PTPRD: variants seen among roughly 807,000 people sequenced by gnomAD.
The protein encoded by PTPRD is protein tyrosine phosphatase receptor type D.
PTPRD carries 34 observed loss-of-function variants against 214.5 expected under a neutral mutation model. The observed-to-expected ratio is 0.16, with a 90% CI of 0.12 to 0.21. The LOEUF is 0.21. Among genes scored for constraint, PTPRD ranks in the 10% least tolerant of loss-of-function variants. PTPRD has a pLI of 1.00. For synonymous variants in PTPRD, 1,128 were observed against 845.7 expected (o/e 1.33, Z -5.79); for missense variants, 2,545 against 2,398.7 (o/e 1.06, Z -1.27).
chr9:9,596,233 T>C (rs1382065177), intron 7 of PTPRD, among the ~76,000 whole-genome samples: 1 of 152,014 alleles, frequency 6.6e-6, no homozygotes, highest in East Asian at 1.9e-4. Flanking sequence ...TAAAGACATC[T>C]TTAATGAATA....
chr9:9,237,307 G>C (rs1216090199), intron 9 of PTPRD, among the ~76,000 whole-genome samples: 4 of 152,102 alleles, frequency 2.6e-5, no homozygotes, highest in Admixed American at 6.6e-5. Flanking sequence ...GCACACACTT[G>C]TAATCCCAGT....
intron 5 of PTPRD, among the ~76,000 whole-genome samples, chr9:9,785,243 T>C (rs557951469): frequency 2.2e-4 from 33 of 152,116 alleles, no homozygotes; most frequent in Middle Eastern, 3.4e-3. Flanking sequence ...GTAGTAATTA[T>C]TGCAGGCAAG....
intron 21 of PTPRD, among the ~76,000 whole-genome samples, chr9:8,512,718 T>C (rs2097706200): frequency 2.0e-5 from 3 of 151,954 alleles, no homozygotes; most frequent in Admixed American, 2.0e-4. Flanking sequence ...TCCATATAAG[T>C]CAGATGATTT....
chr9:9,152,479 A>C (rs1295924444), intron 10 of PTPRD, among the ~76,000 whole-genome samples: 1 of 152,206 alleles, frequency 6.6e-6, no homozygotes, highest in African/African-American at 2.4e-5. Flanking sequence ...AGGTTAAAGC[A>C]GACTGTAGGA....
chr9:8,461,100 G>C (rs972994149), intron 32 of PTPRD, among the ~76,000 whole-genome samples: 1 of 152,026 alleles, frequency 6.6e-6, no homozygotes, highest in South Asian at 2.1e-4. Context: ...GCTTCTTAGT[G>C]CTTGGTACTA....
intron 9 of PTPRD, among the ~76,000 whole-genome samples, chr9:9,354,644 T>C (rs962033321): frequency 6.6e-6 from 1 of 151,682 alleles, no homozygotes; most frequent in Admixed American, 6.6e-5. Context: ...CTATAGCCAA[T>C]AAGTAAATTA....
At chr9:10,110,159 A>T (rs771167873) in intron 3 of PTPRD, among the ~76,000 whole-genome samples, 3 of 152,172 alleles carry the variant, frequency 2.0e-5, no homozygotes, top group Non-Finnish European at 4.4e-5. Context: ...TATTGACACA[A>T]AGTTGAAAAG....
intron 11 of PTPRD, among the ~76,000 whole-genome samples, chr9:8,799,846 A>G (rs570128319): frequency 6.6e-6 from 1 of 151,932 alleles, no homozygotes; most frequent in African/African-American, 2.4e-5. Context: ...CAACTCCCCC[A>G]CACACTTTTT....
intron 12 of PTPRD, among the ~76,000 whole-genome samples, chr9:8,657,866 T>C (rs559020214): frequency 2.6e-5 from 4 of 152,350 alleles, no homozygotes; most frequent in East Asian, 1.9e-4. Flanking sequence ...TCCATGATCA[T>C]AACAATTTAG....
intron 9 of PTPRD, among the ~76,000 whole-genome samples, chr9:9,250,950 C>G (rs2099975224): frequency 6.6e-6 from 1 of 152,076 alleles, no homozygotes; most frequent in Non-Finnish European, 1.5e-5. Flanking sequence ...GAAAAATGTT[C>G]AGCTTTCCTG....
chr9:9,790,737 TG>T (rs1173188307), intron 5 of PTPRD, among the ~76,000 whole-genome samples: 1 of 152,246 alleles, frequency 6.6e-6, no homozygotes, highest in African/African-American at 2.4e-5. Context: ...CTTATATTTT[TG>T]GCTATTTTCA....
chr9:9,821,453 G>T (rs1412814430), intron 5 of PTPRD, among the ~76,000 whole-genome samples: 2 of 152,122 alleles, frequency 1.3e-5, no homozygotes, highest in Admixed American at 1.3e-4. Flanking sequence ...TGTTTGGAAA[G>T]CTTTCAAAAC....
chr9:9,108,666 A>C (rs540155351), intron 10 of PTPRD, among the ~76,000 whole-genome samples: 1 of 152,320 alleles, frequency 6.6e-6, no homozygotes, highest in East Asian at 1.9e-4. Context: ...TTTACCCAAG[A>C]GTAATACAAA....
chr9:10,030,560 C>G (rs1468074258), intron 4 of PTPRD, among the ~76,000 whole-genome samples: 2 of 151,944 alleles, frequency 1.3e-5, no homozygotes, highest in African/African-American at 2.4e-5. Context: ...ACATGAGTGA[C>G]TAGACTAATG....
At chr9:10,048,071 AT>A (rs2097440884) in intron 3 of PTPRD, among the ~76,000 whole-genome samples, 1 of 152,038 alleles carries the variant, frequency 6.6e-6, no homozygotes, top group Admixed American at 6.6e-5. Flanking sequence ...CCAGCCATCT[AT>A]TTCTCGCTGC....
chr9:9,779,358 T>A (rs2476588), intron 5 of PTPRD, among the ~76,000 whole-genome samples: 2 of 151,810 alleles, frequency 1.3e-5, no homozygotes, highest in African/African-American at 4.8e-5. Flanking sequence ...ATAAGTGGCA[T>A]GGGATAAACT....
intron 9 of PTPRD, among the ~76,000 whole-genome samples, chr9:9,236,467 C>T (rs950939284): frequency 1.3e-5 from 2 of 151,830 alleles, no homozygotes; most frequent in East Asian, 2.0e-4. Flanking sequence ...ATAAATTCTC[C>T]TCTCTGCCCT....
At chr9:10,287,834 T>A (rs2095410070) in intron 3 of PTPRD, among the ~76,000 whole-genome samples, 1 of 152,032 alleles carries the variant, frequency 6.6e-6, no homozygotes, top group Admixed American at 6.5e-5. Flanking sequence ...TGTCCAATCG[T>A]TCCAGAGCGA....
chr9:10,483,019 T>C (rs1397903148), intron 2 of PTPRD, among the ~76,000 whole-genome samples: 1 of 152,160 alleles, frequency 6.6e-6, no homozygotes, highest in Non-Finnish European at 1.5e-5. Flanking sequence ...AGGCATCGTA[T>C]GACTCAACTT....
Sources: allele counts gnomAD v4.1 joint callset (sites outside exome capture counted in the v4.1 genomes callset), GRCh38; gene constraint gnomAD v4.1.1; transcripts MANE v1.5; gene names NCBI Gene and HGNC (gene_info 2026-07-23, HGNC 2026-07-21).